TRAM2: variants seen among roughly 807,000 people sequenced by gnomAD.
TRAM2 encodes translocating chain-associated membrane protein 2.
TRAM2 carries 12 observed loss-of-function variants against 51.0 expected under a neutral mutation model. The ratio of observed to expected loss-of-function variants is 0.24; its 90% CI spans 0.15 to 0.38. The LOEUF (loss-of-function observed/expected upper bound fraction) is 0.38, where lower values mean the gene tolerates loss of function less well. Ranked by LOEUF, TRAM2 falls within the 10% of genes least tolerant of loss-of-function variation. The probability of loss-of-function intolerance (pLI) is 1.00; values close to 1 mark genes in which losing one functional copy is unlikely to be tolerated. For synonymous variants in TRAM2, 175 were observed against 179.4 expected (o/e 0.98, Z 0.20); for missense variants, 361 against 462.0 (o/e 0.78, Z 2.00).
intron 1 of TRAM2, among the ~76,000 whole-genome samples, chr6:52,572,669 G>T (rs1436520661): frequency 1.3e-5 from 2 of 152,182 alleles, no homozygotes; most frequent in Non-Finnish European, 2.9e-5. Context: ...GAACACAATA[G>T]AAGCAGGATT....
rs1186936207 is a variant in TRAM2, at chr6:52,501,186, T to C, written c.*2011A>G. ...AGTGTCAGGGAAGGAGAGGGAGAAA[T>C]GGGGGAAATACATATTTTCAAAAAC... On this transcript the variant is annotated 3_prime_UTR_variant, in exon 11 of 11. Coordinates refer to ENST00000182527, the MANE Select transcript of TRAM2 (RefSeq NM_012288.4). 1.3e-5 allele frequency: 2 copies of C among 152,114 alleles called. No homozygotes were observed. Among genetic ancestry groups the C allele is most frequent in the African/African-American group, 2.4e-5 (1 of 41,404 alleles). 9.4% of individuals were successfully genotyped at this position (152,114 alleles called of 1,614,324 possible).
At position 52,577,032 on chromosome 6, in the gene TRAM2, C is replaced by G; in HGVS notation, c.-117G>C. The G allele has an allele frequency of 1.6e-6, 2 of 1,212,408 alleles. No homozygotes were observed. Among genetic ancestry groups the G allele is most frequent in the Admixed American group, 4.5e-5 (1 of 22,444 alleles). 75.1% of individuals were successfully genotyped at this position (1,212,408 alleles called of 1,614,324 possible). ...GGCCCGCCGCCCGCTCTCCCACAGC[C>G]GCTCGCCCGCCCAGCGCGGAACAAC... On this transcript the variant is annotated 5_prime_UTR_variant, in exon 1 of 11. Transcript: ENST00000182527.
Position 52,499,156 on chromosome 6 carries a change from A to C in TRAM2, c.*4041T>G, listed in dbSNP as rs1290780813. 1.3e-5 allele frequency: 2 copies of C among 152,108 alleles called. No homozygotes were observed. The highest frequency in any genetic ancestry group is 2.9e-5 in the Non-Finnish European group (2 of 68,030). The allele number at this position is 152,108 out of a possible 1,614,324, so 9.4% of individuals were successfully genotyped here. On this transcript the variant is annotated 3_prime_UTR_variant, in exon 11 of 11. Coordinates refer to ENST00000182527, the MANE Select transcript of TRAM2 (RefSeq NM_012288.4). ...ACTGGGACAACCTTGAGCTGGAGAG[A>C]GATCCTATTTAGGTTTTCCAGTCAT... is the stretch of plus-strand genomic sequence containing the variant.
chr6:52,546,085 C>T (rs1011297295), intron 1 of TRAM2, among the ~76,000 whole-genome samples: 2 of 152,134 alleles, frequency 1.3e-5, no homozygotes, highest in Non-Finnish European at 2.9e-5. Flanking sequence ...GCTGCCCCAC[C>T]CCAGGGAAAA....
intron 5 of TRAM2, among the ~76,000 whole-genome samples, chr6:52,509,265 T>G (rs1766405363): frequency 1.3e-5 from 2 of 152,052 alleles, no homozygotes; most frequent in Non-Finnish European, 2.9e-5. Context: ...TGGAGAGAGA[T>G]GTTCTGCTTC....
intron 1 of TRAM2, among the ~76,000 whole-genome samples, chr6:52,550,935 G>A (rs1562486341): frequency 2.6e-5 from 4 of 152,142 alleles, no homozygotes; most frequent in South Asian, 4.1e-4. Context: ...CTCATGAAAC[G>A]CATGGGAGGC....
Position 52,500,691 on chromosome 6 carries a change from G to A in TRAM2, c.*2506C>T, listed in dbSNP as rs9277. On this transcript the variant is annotated 3_prime_UTR_variant, in exon 11 of 11. Coordinates refer to ENST00000182527, the MANE Select transcript of TRAM2 (RefSeq NM_012288.4). ...AGAGACAGGGACATGAAGTTGTGGC[G>A]TCTCTGGCACGCAAGTGTCCTGGGA... is the stretch of plus-strand genomic sequence containing the variant. 0.04 allele frequency: 6,153 copies of A among 152,350 alleles called. 159 individuals carry two copies. Among genetic ancestry groups the A allele is most frequent in the African/African-American group, 0.075 (3,116 of 41,510 alleles). 9.4% of individuals were successfully genotyped at this position (152,350 alleles called of 1,614,324 possible).
chr6:52,515,946 G>A, intron 4 of TRAM2, 60 bp downstream of exon 4: 1 of 1,446,698 alleles, frequency 6.9e-7, no homozygotes, highest in Non-Finnish European at 9.7e-7. Context: ...AGCAATCCCA[G>A]AGCTGGAATT....
Position 52,502,847 on chromosome 6 carries a change from T to G in TRAM2, c.*350A>C. 4.3e-6 allele frequency: 1 copy of G among 235,044 alleles called. No homozygotes were observed. The allele number at this position is 235,044 out of a possible 1,614,324, so 14.6% of individuals were successfully genotyped here. On this transcript the variant is annotated 3_prime_UTR_variant, in exon 11 of 11. Transcript: ENST00000182527. The stretch of plus-strand genomic sequence containing the variant: ...TGCAAGATAAGGTGAAAATAGGAAG[T>G]AAAAAGGAAAAGCAGCAGCCATAAG...
At chr6:52,505,876 T>A in intron 8 of TRAM2, 134 bp from the exon 9 acceptor site, 1 of 1,407,208 alleles carries the variant, frequency 7.1e-7, no homozygotes, top group Non-Finnish European at 9.6e-7. Context: ...GGACGAGATA[T>A]CTAAAATCAG....
chr6:52,506,001 A>G lies in TRAM2; in HGVS notation c.731+31T>C, dbSNP rs549185668. On this transcript the variant is annotated intron_variant, in intron 8 of 10. Transcript: ENST00000182527. ...CGGGGGAACCCCTGCCCAGGCCTCT[A>G]AGCGGGCCAGCCTGCAGCAGACCCA... 2.4e-5 allele frequency: 39 copies of G among 1,609,802 alleles called. No homozygotes were observed. In the East Asian group the frequency reaches 8.2e-4, roughly 34 times the overall value.
chr6:52,514,740 G>A (rs1157775508), intron 4 of TRAM2, among the ~76,000 whole-genome samples: 1 of 152,206 alleles, frequency 6.6e-6, no homozygotes, highest in Admixed American at 6.5e-5. Flanking sequence ...GGCGTCTTTG[G>A]TATCTTGAGG....
intron 4 of TRAM2, among the ~76,000 whole-genome samples, chr6:52,513,758 A>T (rs1037349898): frequency 6.6e-6 from 1 of 152,136 alleles, no homozygotes; most frequent in Non-Finnish European, 1.5e-5. Context: ...AAACGATTTC[A>T]CTGCAAGTGT....
chr6:52,523,496 G>C (rs957949965), intron 2 of TRAM2: 2 of 152,198 alleles, frequency 1.3e-5, no homozygotes, highest in African/African-American at 4.8e-5. Flanking sequence ...GCAAATTAAA[G>C]CTACACTAAG....
chr6:52,541,467 A>C (rs1353963963), intron 1 of TRAM2, among the ~76,000 whole-genome samples: 2 of 152,236 alleles, frequency 1.3e-5, no homozygotes, highest in Admixed American at 6.5e-5. Context: ...ACCTGATTCT[A>C]CTTACTTTCC....
Position 52,535,767 on chromosome 6 carries a change from G to GGAGAAGA in TRAM2, c.184+15_184+16insTCTTCTC, listed in dbSNP as rs573278251. 117 of 1,607,750 alleles carry GGAGAAGA rather than the reference G, an allele frequency of 7.3e-5. 1 individual carries two copies. In the African/African-American group the frequency reaches 1.4e-3, roughly 20 times the overall value. ...GTTAACAGGGCCAGGAGAAGATGGA[G>GGAGAAGA]ACCAGTGATTCTTACCTGCTGTAGG... On this transcript the variant is annotated intron_variant, in intron 2 of 10. Coordinates refer to ENST00000182527, the MANE Select transcript of TRAM2 (RefSeq NM_012288.4).
intron 2 of TRAM2, among the ~76,000 whole-genome samples, chr6:52,533,167 A>G (rs1440740719): frequency 1.3e-5 from 2 of 152,224 alleles, no homozygotes; most frequent in African/African-American, 4.8e-5. Context: ...TTCTGGAGAT[A>G]GATGGTGGTG....
intron 1 of TRAM2, among the ~76,000 whole-genome samples, chr6:52,538,824 C>T (rs1188736267): frequency 6.6e-6 from 1 of 152,168 alleles, no homozygotes; most frequent in Non-Finnish European, 1.5e-5. Flanking sequence ...AGTTAACTGT[C>T]ATCATTCACA....
At chr6:52,547,657 G>A (rs1309762694) in intron 1 of TRAM2, among the ~76,000 whole-genome samples, 1 of 152,220 alleles carries the variant, frequency 6.6e-6, no homozygotes, top group African/African-American at 2.4e-5. Flanking sequence ...CATTTCTCTA[G>A]AGGGACAGGC....
Sources: gnomAD v4.1 joint callset for allele counts (sites outside exome capture counted in the v4.1 genomes callset) on GRCh38, gnomAD v4.1.1 for gene constraint, MANE v1.5 for transcripts, NCBI Gene and HGNC (gene_info 2026-07-23, HGNC 2026-07-21) for gene names.